Variants in STARD6 observed in about 807,000 individuals in gnomAD.
STARD6 encodes stAR-related lipid transfer protein 6.
In STARD6, 21 loss-of-function variants were observed where a neutral mutation model predicts 22.3. The observed-to-expected ratio is 0.94, with a 90% CI of 0.67 to 1.35. STARD6 has a LOEUF of 1.35. Among genes scored for constraint, STARD6 ranks in the 40% most tolerant of loss-of-function variants. The probability of loss-of-function intolerance (pLI) is 0.00; values close to 1 mark genes in which losing one functional copy is unlikely to be tolerated. For missense variants in STARD6, 269 were observed against 266.9 expected, an observed-to-expected ratio of 1.01 and a Z score of -0.05; for synonymous variants, 80 against 88.1, an observed-to-expected ratio of 0.91 and a Z score of 0.52.
At chr18:54,347,517 C>T (rs79810146) in intron 4 of STARD6, among the ~76,000 whole-genome samples, 1 of 152,028 alleles carries the variant, frequency 6.6e-6, no homozygotes, top group Non-Finnish European at 1.5e-5. Context: ...AAAAATAGTA[C>T]TACAATATTC....
chr18:54,333,305 C>A (rs1167280410), intron 5 of STARD6, among the ~76,000 whole-genome samples: 1 of 151,974 alleles, frequency 6.6e-6, no homozygotes, highest in Non-Finnish European at 1.5e-5. Flanking sequence ...AAAAATTAGC[C>A]GGGCGTGGTG....
At chr18:54,327,272 A>G (rs561653732) in intron 7 of STARD6, among the ~76,000 whole-genome samples, 1 of 152,352 alleles carries the variant, frequency 6.6e-6, no homozygotes, top group Admixed American at 6.5e-5. Flanking sequence ...AATGATAACA[A>G]CTTAATCCAG....
intron 7 of STARD6, among the ~76,000 whole-genome samples, 157 bp downstream of exon 7, chr18:54,329,190 A>G (rs543171451): frequency 1.3e-5 from 2 of 152,226 alleles, no homozygotes; most frequent in Admixed American, 6.5e-5. Context: ...GAAAACGATT[A>G]TAAGAAGTTA....
At position 54,337,684 on chromosome 18, in the gene STARD6, T is replaced by C. The variant is rs181492079; in HGVS notation, c.141-433A>G. 8.2e-4 allele frequency among the ~76,000 whole-genome samples: 125 copies of C among 152,304 alleles called. 2 individuals are homozygous for C. Among genetic ancestry groups the C allele is most frequent in the Admixed American group, 3.3e-3 (50 of 15,294 alleles). On this transcript the variant is annotated intron_variant, in intron 4 of 7. Transcript: ENST00000307844. ...AATTGAGTAGTTGCAAGAGACCAAA[T>C]GAGTTGCAAAGCCTAAAGTATTTAC...
At chr18:54,330,497 A>G (rs1271843919) in intron 6 of STARD6, among the ~76,000 whole-genome samples, 4 of 152,112 alleles carry the variant, frequency 2.6e-5, no homozygotes, top group Non-Finnish European at 5.9e-5. Context: ...CTTATTAGCT[A>G]TGTAACTTAC....
At chr18:54,343,955 G>T (rs1255690759) in intron 4 of STARD6, among the ~76,000 whole-genome samples, 1 of 48,852 alleles carries the variant, frequency 2.0e-5, no homozygotes. Context: ...GGTGGGGGGG[G>T]TCAGCCCCCC....
At chr18:54,335,360 A>G (rs911678222) in intron 5 of STARD6, among the ~76,000 whole-genome samples, 1 of 151,712 alleles carries the variant, frequency 6.6e-6, no homozygotes, top group Non-Finnish European at 1.5e-5. Flanking sequence ...ACGCCTGGCT[A>G]ATTTTTTGTA....
At position 54,331,783 on chromosome 18, in the gene STARD6, A is replaced by G. The variant is rs572592681; in HGVS notation, c.344T>C (p.Val115Ala). 3.0e-5 allele frequency: 49 copies of G among 1,613,452 alleles called. No individual in the cohort carries two copies. In the African/African-American group the frequency reaches 3.6e-4, roughly 12 times the overall value. The change falls in exon 6 of 8, where the codon GTG becomes GCG. Residue 115 changes from valine to alanine, a missense_variant. By Grantham distance (64) the Val-to-Ala change is moderately conservative. Coordinates refer to ENST00000307844, the MANE Select transcript of STARD6 (RefSeq NM_139171.2). Reference sequence around the variant, plus strand: ...ATTTCCTTCGTAGCGCTTGATGTACACTAAGTCGATAAAGTCTCGAGGGGA... The same window carrying G: ...ATTTCCTTCGTAGCGCTTGATGTACGCTAAGTCGATAAAGTCTCGAGGGGA... ...SISPRDFIDL[V>A]YIKRYEGNMN...
intron 4 of STARD6, among the ~76,000 whole-genome samples, chr18:54,348,925 A>G (rs2089065194): frequency 6.6e-6 from 1 of 152,148 alleles, no homozygotes; most frequent in African/African-American, 2.4e-5. Context: ...GTTATAAGAT[A>G]TATAACTTCC....
intron 6 of STARD6, among the ~76,000 whole-genome samples, chr18:54,329,778 CTT>C (rs1407151880): frequency 6.6e-6 from 1 of 151,712 alleles, no homozygotes; most frequent in African/African-American, 2.4e-5. Context: ...TGATAACTAA[CTT>C]AAATCTCACT....
chr18:54,341,665 T>C (rs1466154491), intron 4 of STARD6, among the ~76,000 whole-genome samples: 1 of 152,144 alleles, frequency 6.6e-6, no homozygotes, highest in African/African-American at 2.4e-5. Flanking sequence ...AAATAACCAG[T>C]AAGTCAAAGA....
intron 4 of STARD6, among the ~76,000 whole-genome samples, chr18:54,339,044 CAAAAAAAAAAAAAAAAAAAAAA>C (rs760501311): frequency 9.6e-5 from 1 of 10,406 alleles, no homozygotes; most frequent in Non-Finnish European, 2.4e-4. Context: ...GAGACTCCAT[CAAAAAAAAAAAAAAAAAAAAAA>C]AAAAAAAAAA....
Position 54,344,583 on chromosome 18 carries a change from T to TTA in STARD6, c.141-7333_141-7332insTA, listed in dbSNP as rs74180466. Among the ~76,000 whole-genome samples, 894 of 94,042 alleles carry TTA rather than the reference T, an allele frequency of 9.5e-3. 35 individuals are homozygous for TTA. Among genetic ancestry groups the TTA allele is most frequent in the Middle Eastern group, 0.041 (6 of 148 alleles). 61.7% of individuals were successfully genotyped at this position (94,042 alleles called of 152,430 possible). On this transcript the variant is annotated intron_variant, in intron 4 of 7. Transcript: ENST00000307844. The stretch of plus-strand genomic sequence containing the variant: ...AAGAATTATCAATAAAAAAATAAAT[T>TTA]AAAAAAAAAAAAAAAAAAGAAAATA...
At chr18:54,340,270 G>A (rs2088958192) in intron 4 of STARD6, among the ~76,000 whole-genome samples, 1 of 152,054 alleles carries the variant, frequency 6.6e-6, no homozygotes, top group South Asian at 2.1e-4. Flanking sequence ...CAAAATGTTG[G>A]GGAAGGGACT....
chr18:54,324,904 A>T, intron 7 of STARD6, 29 bp from the exon 8 acceptor site: 1 of 1,473,360 alleles, frequency 6.8e-7, no homozygotes, highest in Non-Finnish European at 9.0e-7. Flanking sequence ...TTAAAAAAAG[A>T]TAAGAAATTT....
At chr18:54,331,693 T>C in intron 6 of STARD6, 49 bp downstream of exon 6, 1 of 1,239,426 alleles carries the variant, frequency 8.1e-7, no homozygotes, top group East Asian at 2.4e-5. Context: ...AAAACATTTA[T>C]TAATGGCTCG....
chr18:54,337,070 T>C (rs565446472), intron 5 of STARD6, 55 bp downstream of exon 5: 1 of 1,482,016 alleles, frequency 6.7e-7, no homozygotes, highest in South Asian at 1.3e-5. Context: ...CTCACTAAGG[T>C]ATAAACTAAA....
intron 5 of STARD6, among the ~76,000 whole-genome samples, chr18:54,336,546 C>T (rs1252051455): frequency 6.6e-6 from 1 of 152,204 alleles, no homozygotes; most frequent in Non-Finnish European, 1.5e-5. Flanking sequence ...AGCCGGCGGA[C>T]TCATACACCT....
intron 1 of STARD6, 99 bp from the exon 2 acceptor site, chr18:54,356,543 T>C (rs950601640): frequency 3.3e-5 from 5 of 152,342 alleles, no homozygotes; most frequent in African/African-American, 1.2e-4. Context: ...CCTTTATCTA[T>C]ACTTTGTCTT....
Sources: gnomAD v4.1 joint callset for allele counts (sites outside exome capture counted in the v4.1 genomes callset) on GRCh38, gnomAD v4.1.1 for gene constraint, MANE v1.5 for transcripts, NCBI Gene and HGNC (gene_info 2026-07-23, HGNC 2026-07-21) for gene names.